The following PKP4 variants were observed in gnomAD, a reference collection of about 807,000 sequenced individuals.
PKP4 encodes plakophilin 4.
Under a neutral mutation model 145.1 loss-of-function variants are expected in PKP4, and 90 were observed. The ratio of observed to expected loss-of-function variants is 0.62; its 90% CI spans 0.52 to 0.74. The LOEUF is 0.74. Among genes scored for constraint, PKP4 ranks in the 30% least tolerant of loss-of-function variants. PKP4 has a pLI of 0.00. For missense variants in PKP4, 1,340 were observed against 1,482.7 expected (o/e 0.90, Z 1.58); for synonymous variants, 563 against 577.2 (o/e 0.98, Z 0.35).
chr2:158,502,509 AAC>A (rs1354742312), intron 1 of PKP4, among the ~76,000 whole-genome samples: 1 of 152,194 alleles, frequency 6.6e-6, no homozygotes, highest in Non-Finnish European at 1.5e-5. Context: ...TGAGTTCTCT[AAC>A]ACATACTTGT....
intron 1 of PKP4, among the ~76,000 whole-genome samples, chr2:158,478,729 A>G (rs934928848): frequency 1.3e-5 from 2 of 152,230 alleles, no homozygotes; most frequent in Non-Finnish European, 2.9e-5. Context: ...TGATAATTAA[A>G]CTTTTTGCTT....
intron 1 of PKP4, among the ~76,000 whole-genome samples, chr2:158,529,516 T>A (rs1449558680): frequency 2.0e-5 from 3 of 152,228 alleles, no homozygotes; most frequent in Admixed American, 1.3e-4. Flanking sequence ...CTTGAATGGA[T>A]ACAGTGTGTG....
chr2:158,578,965 T>C (rs1055693732), intron 3 of PKP4, among the ~76,000 whole-genome samples: 2 of 152,220 alleles, frequency 1.3e-5, no homozygotes, highest in African/African-American at 4.8e-5. Flanking sequence ...GTGGATTTTA[T>C]ACCCATAGAG....
intron 3 of PKP4, among the ~76,000 whole-genome samples, chr2:158,598,811 G>A (rs1031125533): frequency 1.3e-5 from 2 of 152,142 alleles, no homozygotes; most frequent in Non-Finnish European, 2.9e-5. Flanking sequence ...GTGATACAAA[G>A]TGAAGGTAAA....
At chr2:158,523,122 G>C (rs978144378) in intron 1 of PKP4, among the ~76,000 whole-genome samples, 121 of 152,268 alleles carry the variant, frequency 7.9e-4, no homozygotes, top group Admixed American at 3.9e-3. Flanking sequence ...ACTGGGTGGA[G>C]CCCACCACAG....
Position 158,680,795 on chromosome 2 carries a change from AGT to A in PKP4, c.*123_*124del, listed in dbSNP as rs1252294658. 5 of 960,688 alleles carry A rather than the reference AGT, an allele frequency of 5.2e-6. No individual in the cohort carries two copies. In the African/African-American group the frequency reaches 8.2e-5, roughly 16 times the overall value. The allele number at this position is 960,688 out of a possible 1,614,324, so 59.5% of individuals were successfully genotyped here. On this transcript the variant is annotated 3_prime_UTR_variant, in exon 22 of 22. Coordinates refer to ENST00000389759, the MANE Select transcript of PKP4 (RefSeq NM_003628.6). ...AAAGTGAAGTGGAAGGAATGAATGA[AGT>A]GTGTTTTTTTTTTCTTTTTTGAGGA...
rs755600621 is a variant in PKP4, at chr2:158,621,347, C to T, written c.529C>T (p.Gln177Ter). 3.0e-5 allele frequency: 48 copies of T among 1,614,114 alleles called. 2 individuals are homozygous for T. The South Asian group carries it at 5.1e-4, about 17-fold the overall frequency. ...CGTGAGCAAGGCAGACAACAGACAG[C>T]AGCATTCATTCATAGGATCAACTAA... Reference protein sequence around the residue: ...QNVSKADNRQQHSFIGSTNNH... With the variant: ...QNVSKADNRQ Residue 177 changes from glutamine to a stop codon, truncating the protein, a stop_gained, in exon 6 of 22, where the codon CAG becomes TAG. Transcript: ENST00000389759. LOFTEE classifies it high-confidence loss of function.
intron 3 of PKP4, among the ~76,000 whole-genome samples, chr2:158,592,979 G>C (rs1230531125): frequency 6.6e-6 from 1 of 152,016 alleles, no homozygotes; most frequent in African/African-American, 2.4e-5. Context: ...AGAAAAACAG[G>C]GCCCTTTTCT....
intron 1 of PKP4, among the ~76,000 whole-genome samples, chr2:158,518,639 C>T (rs1319843942): frequency 1.3e-5 from 2 of 152,092 alleles, no homozygotes; most frequent in Non-Finnish European, 2.9e-5. Flanking sequence ...TGTCCTAAAC[C>T]TTCCTCTGTC....
intron 2 of PKP4, among the ~76,000 whole-genome samples, chr2:158,539,873 T>C (rs1230001878): frequency 6.6e-6 from 1 of 152,206 alleles, no homozygotes; most frequent in East Asian, 1.9e-4. Flanking sequence ...TTAAGTTGCA[T>C]GTACCATGGT....
chr2:158,508,941 A>T (rs906049614), intron 1 of PKP4, among the ~76,000 whole-genome samples: 1 of 152,166 alleles, frequency 6.6e-6, no homozygotes, highest in Non-Finnish European at 1.5e-5. Context: ...ATACTCTGTA[A>T]TGCCATACTT....
chr2:158,495,898 A>G (rs966916535), intron 1 of PKP4, among the ~76,000 whole-genome samples: 3 of 152,002 alleles, frequency 2.0e-5, no homozygotes, highest in Admixed American at 6.6e-5. Context: ...ATATATGTAT[A>G]TATTTTTAAC....
At chr2:158,496,786 G>GTC (rs1358643244) in intron 1 of PKP4, among the ~76,000 whole-genome samples, 4 of 150,668 alleles carry the variant, frequency 2.7e-5, no homozygotes, top group Non-Finnish European at 5.9e-5. Flanking sequence ...GTGTGTGTGT[G>GTC]TGTGTGTGTC....
intron 9 of PKP4, among the ~76,000 whole-genome samples, chr2:158,635,809 C>T (rs923428102): frequency 6.6e-6 from 1 of 152,092 alleles, no homozygotes; most frequent in Admixed American, 6.5e-5. Context: ...TTGGTAGGTG[C>T]ATTTATTCTA....
At chr2:158,671,434 A>C (rs959508380) in intron 17 of PKP4, among the ~76,000 whole-genome samples, 13 of 152,154 alleles carry the variant, frequency 8.5e-5, no homozygotes, top group African/African-American at 3.1e-4. Flanking sequence ...TGCTCTTAAA[A>C]TGTCGCTGGA....
intron 19 of PKP4, among the ~76,000 whole-genome samples, chr2:158,674,630 C>G (rs1365033862): frequency 1.3e-5 from 2 of 152,158 alleles, no homozygotes; most frequent in Admixed American, 1.3e-4. Context: ...ACCATACTAC[C>G]TACTTCTTTG....
chr2:158,499,098 G>C (rs934311206), intron 1 of PKP4, among the ~76,000 whole-genome samples: 4 of 152,172 alleles, frequency 2.6e-5, no homozygotes, highest in Non-Finnish European at 4.4e-5. Context: ...GCCTTCAGTG[G>C]TCCAAAATGG....
At chr2:158,660,134 T>G (rs1268540015) in intron 12 of PKP4, 1 of 152,706 alleles carries the variant, frequency 6.5e-6, no homozygotes, top group African/African-American at 2.4e-5. Context: ...ACAGAAGTGC[T>G]GTTGATGGGG....
intron 2 of PKP4, among the ~76,000 whole-genome samples, chr2:158,533,700 A>G (rs2043786454): frequency 6.6e-6 from 1 of 152,210 alleles, no homozygotes; most frequent in South Asian, 2.1e-4. Context: ...ACATTTTAAC[A>G]TAGGTAGTAT....
Sources: allele counts gnomAD v4.1 joint callset (sites outside exome capture counted in the v4.1 genomes callset), GRCh38; gene constraint gnomAD v4.1.1; transcripts MANE v1.5; gene names NCBI Gene and HGNC (gene_info 2026-07-23, HGNC 2026-07-21).